Variants in KIAA0513 observed in about 807,000 individuals in gnomAD.
KIAA0513 encodes uncharacterized protein KIAA0513.
In KIAA0513, 39 loss-of-function variants were observed where a neutral mutation model predicts 56.5. That is an observed-to-expected ratio of 0.69 (90% CI 0.53 to 0.90). The LOEUF (loss-of-function observed/expected upper bound fraction) is 0.90. KIAA0513 is among the 40% of genes least tolerant of loss of function. The pLI, the probability that KIAA0513 is intolerant of heterozygous loss-of-function variation, is 0.00. For missense variants in KIAA0513, 591 were observed against 535.2 expected, an observed-to-expected ratio of 1.10 and a Z score of -1.03; for synonymous variants, 268 against 215.6, an observed-to-expected ratio of 1.24 and a Z score of -2.13.
At position 85,052,469 on chromosome 16, in the gene KIAA0513, G is replaced by A. The variant is rs148254360; in HGVS notation, c.-172-14431G>A. ...CGAGGTTCCCAGGTTCCATTGCATC[G>A]TGCCATTGCACTCCAGCCTGGGCAA... On this transcript the variant is annotated intron_variant, in intron 1 of 12. Coordinates refer to ENST00000683363, the MANE Select transcript of KIAA0513 (RefSeq NM_001388359.1). 1.5e-3 allele frequency among the ~76,000 whole-genome samples: 226 copies of A among 152,152 alleles called. 2 individuals are homozygous for A. The highest frequency in any genetic ancestry group is 2.7e-3 in the African/African-American group (112 of 41,522).
chr16:85,068,101 G>A (rs964199137), intron 2 of KIAA0513, among the ~76,000 whole-genome samples: 8 of 151,614 alleles, frequency 5.3e-5, no homozygotes, highest in East Asian at 1.9e-4. Context: ...GTTAGCCACC[G>A]TACCCGGCTG....
In KIAA0513 at chr16:85,090,035, G is replaced by T. The variant is rs2073852300; in HGVS notation, c.*1710G>T. The T allele has an allele frequency of 6.6e-6, 1 of 152,276 alleles. No homozygotes were observed. The highest frequency in any genetic ancestry group is 6.5e-5 in the Admixed American group (1 of 15,276). The allele number at this position is 152,276 out of a possible 1,614,324, so 9.4% of individuals were successfully genotyped here. The stretch of plus-strand genomic sequence containing the variant: ...CAGACCGTGACCATGCTGCCAGTGT[G>T]CTCGCCATGAGCTGGGTCAGGGCTG... On this transcript the variant is annotated 3_prime_UTR_variant, in exon 13 of 13. Coordinates refer to ENST00000683363, the MANE Select transcript of KIAA0513 (RefSeq NM_001388359.1).
rs1304302345 is a variant in KIAA0513 at position 85,057,762 on chromosome 16, TG to T, written c.-172-9137del. ...CACTGGAGAGGCTGCCTCTGCTTTT[TG>T]TTTTTGTTTTTTTTTTTTTTCTCTC... On this transcript the variant is annotated intron_variant, in intron 1 of 12. Transcript: ENST00000683363. Among the ~76,000 whole-genome samples, 41 of 146,260 alleles carry T rather than the reference TG, an allele frequency of 2.8e-4. 1 individual carries two copies. Among genetic ancestry groups the T allele is most frequent in the African/African-American group, 7.4e-4 (27 of 36,350 alleles).
intron 1 of KIAA0513, among the ~76,000 whole-genome samples, chr16:85,059,662 T>C (rs1012335005): frequency 5.3e-5 from 8 of 152,136 alleles, no homozygotes; most frequent in Non-Finnish European, 1.5e-5. Context: ...CTGAATGAAA[T>C]GGTTTTGTGT....
chr16:85,049,835 C>G (rs1474546301), intron 1 of KIAA0513, among the ~76,000 whole-genome samples: 1 of 152,124 alleles, frequency 6.6e-6, no homozygotes, highest in Non-Finnish European at 1.5e-5. Flanking sequence ...TCATAAGGCC[C>G]GAGTCCTGCA....
In KIAA0513 at chr16:85,067,261, C is replaced by A. The variant is rs1277383244; in HGVS notation, c.190C>A (p.Pro64Thr). 1.2e-6 allele frequency: 2 copies of A among 1,614,060 alleles called. No individual in the cohort carries two copies. Among genetic ancestry groups the A allele is most frequent in the South Asian group, 2.2e-5 (2 of 91,084 alleles). ...ENDMGESPSH[P>T]SWDQDRRSSS... ...TGACATGGGCGAGTCGCCCTCGCAC[C>A]CGTCCTGGGACCAAGACCGCCGTTC... is the stretch of plus-strand genomic sequence containing the variant. Residue 64 changes from proline to threonine, a missense_variant, in exon 2 of 13, where the codon CCG becomes ACG. Transcript: ENST00000683363.
intron 8 of KIAA0513, among the ~76,000 whole-genome samples, chr16:85,080,991 C>A (rs553099006): frequency 6.6e-6 from 1 of 152,278 alleles, no homozygotes; most frequent in Admixed American, 6.5e-5. Context: ...AGAAAACGAC[C>A]CACCTCCGTG....
chr16:85,086,301 C>A (rs1236033647), intron 10 of KIAA0513, among the ~76,000 whole-genome samples: 3 of 152,246 alleles, frequency 2.0e-5, no homozygotes, highest in Non-Finnish European at 2.9e-5. Context: ...ACCCCACTCT[C>A]CAACCGTAGT....
At chr16:85,032,121 G>T (rs556135074) in intron 1 of KIAA0513, among the ~76,000 whole-genome samples, 1 of 152,334 alleles carries the variant, frequency 6.6e-6, no homozygotes, top group East Asian at 1.9e-4. Context: ...CTCAGAGGGA[G>T]ACTCTGTGCC....
intron 1 of KIAA0513, among the ~76,000 whole-genome samples, chr16:85,042,622 C>T (rs1429003534): frequency 6.6e-6 from 1 of 152,284 alleles, no homozygotes; most frequent in East Asian, 1.9e-4. Context: ...AGAATGAAAT[C>T]AGATAATTAA....
chr16:85,051,017 G>C (rs1373087113), intron 1 of KIAA0513, among the ~76,000 whole-genome samples: 1 of 152,084 alleles, frequency 6.6e-6, no homozygotes, highest in African/African-American at 2.4e-5. Flanking sequence ...AAATTAGCCA[G>C]GCATGGTGGT....
intron 1 of KIAA0513, among the ~76,000 whole-genome samples, chr16:85,032,054 T>C (rs764507191): frequency 6.6e-6 from 1 of 152,154 alleles, no homozygotes; most frequent in Non-Finnish European, 1.5e-5. Context: ...TTCTCACAGT[T>C]CTGGAGAACA....
At chr16:85,037,734 C>T (rs1310449491) in intron 1 of KIAA0513, among the ~76,000 whole-genome samples, 4 of 152,138 alleles carry the variant, frequency 2.6e-5, no homozygotes, top group South Asian at 2.1e-4. Flanking sequence ...TGAGTCTGCT[C>T]TTGTGGAAGC....
At chr16:85,037,342 C>T (rs1341098543) in intron 1 of KIAA0513, among the ~76,000 whole-genome samples, 3 of 152,044 alleles carry the variant, frequency 2.0e-5, no homozygotes, top group South Asian at 4.1e-4. Context: ...GCTGCTGTGA[C>T]GCTGACTTCC....
At chr16:85,030,158 G>A (rs938364044) in intron 1 of KIAA0513, among the ~76,000 whole-genome samples, 1 of 152,180 alleles carries the variant, frequency 6.6e-6, no homozygotes, top group Non-Finnish European at 1.5e-5. Context: ...GAGGTAGTCT[G>A]CATGGACTCA....
At chr16:85,034,298 T>A (rs577476992) in intron 1 of KIAA0513, among the ~76,000 whole-genome samples, 1 of 152,156 alleles carries the variant, frequency 6.6e-6, no homozygotes, top group Non-Finnish European at 1.5e-5. Context: ...GAGAATTGCT[T>A]GAACCTGGGG....
At chr16:85,080,373 A>C (rs1053271013) in intron 8 of KIAA0513, among the ~76,000 whole-genome samples, 1 of 152,198 alleles carries the variant, frequency 6.6e-6, no homozygotes, top group African/African-American at 2.4e-5. Flanking sequence ...TGTAGCGTGA[A>C]CACCACCAGA....
At chr16:85,062,117 C>A (rs879640834) in intron 1 of KIAA0513, among the ~76,000 whole-genome samples, 2 of 152,066 alleles carry the variant, frequency 1.3e-5, no homozygotes, top group African/African-American at 2.4e-5. Flanking sequence ...ACCTTCAGAT[C>A]GTCTCTGTAG....
chr16:85,028,213 C>T (rs2072915584), intron 1 of KIAA0513, among the ~76,000 whole-genome samples: 1 of 152,114 alleles, frequency 6.6e-6, no homozygotes, highest in Non-Finnish European at 1.5e-5. Flanking sequence ...ATGGTGGCAG[C>T]AGGTGGCTTT....
Sources: allele counts gnomAD v4.1 joint callset (sites outside exome capture counted in the v4.1 genomes callset), GRCh38; gene constraint gnomAD v4.1.1; transcripts MANE v1.5; gene names NCBI Gene and HGNC (gene_info 2026-07-23, HGNC 2026-07-21).